CFAP45: variants seen among roughly 807,000 people sequenced by gnomAD.
CFAP45 encodes the protein cilia- and flagella-associated protein 45.
A neutral mutation model predicts 75.6 loss-of-function variants in CFAP45; 43 were observed. The observed-to-expected ratio is 0.57, with a 90% CI of 0.45 to 0.73. The LOEUF is 0.73. Ranked by LOEUF, CFAP45 falls within the 30% of genes least tolerant of loss-of-function variation. The pLI, the probability that CFAP45 is intolerant of heterozygous loss-of-function variation, is 0.00. For missense variants in CFAP45, 689 were observed against 701.5 expected, an observed-to-expected ratio of 0.98 and a Z score of 0.20; for synonymous variants, 223 against 244.6, an observed-to-expected ratio of 0.91 and a Z score of 0.82.
At chr1:159,881,860 C>T (rs759206827) in intron 7 of CFAP45, among the ~76,000 whole-genome samples, 1 of 152,236 alleles carries the variant, frequency 6.6e-6, no homozygotes, top group Non-Finnish European at 1.5e-5. Context: ...CAATCAATCT[C>T]AGACTCCTTA....
Position 159,887,886 on chromosome 1 carries a change from G to A in CFAP45, c.543C>T (p.Asn181=). The A allele has an allele frequency of 3.1e-6, 5 of 1,614,214 alleles. No individual in the cohort carries two copies. In the South Asian group the frequency reaches 3.3e-5, roughly 11 times the overall value. ...ERAQNLLQRA[N]KLRMEQEEEL... ...CCTCCTCCTGCTCCATCCGCAGCTT[G>A]TTGGCTCTCTGCAGGAGGTTCTGGG... Residue 181 remains asparagine, a synonymous_variant, in exon 5 of 12, where the codon AAC becomes AAT. Transcript: ENST00000368099.
chr1:159,874,709 T>G (rs1649359644), intron 10 of CFAP45, among the ~76,000 whole-genome samples: 1 of 152,208 alleles, frequency 6.6e-6, no homozygotes, highest in African/African-American at 2.4e-5. Context: ...GTTAGGGCAG[T>G]GATCACAGAG....
intron 1 of CFAP45, among the ~76,000 whole-genome samples, chr1:159,894,728 A>G (rs2101852784): frequency 6.6e-6 from 1 of 152,350 alleles, no homozygotes; most frequent in African/African-American, 2.4e-5. Flanking sequence ...AGCTGAAAAC[A>G]TCAAATATTC....
intron 8 of CFAP45, 141 bp from the exon 9 acceptor site, chr1:159,877,603 G>C: frequency 1.5e-6 from 1 of 686,340 alleles, no homozygotes; most frequent in South Asian, 1.6e-5. Context: ...AAGGCCAGGT[G>C]CCGTGGCTCA....
intron 6 of CFAP45, among the ~76,000 whole-genome samples, chr1:159,885,120 AT>A (rs1458639560): frequency 6.6e-6 from 1 of 152,206 alleles, no homozygotes; most frequent in African/African-American, 2.4e-5. Context: ...GGGAAAGAGT[AT>A]GAGAGCCACA....
chr1:159,896,111 G>A (rs1286467408), intron 1 of CFAP45, among the ~76,000 whole-genome samples: 1 of 152,204 alleles, frequency 6.6e-6, no homozygotes, highest in African/African-American at 2.4e-5. Flanking sequence ...GAATACAGAT[G>A]GAAAGTATTA....
chr1:159,888,033 C>A, intron 4 of CFAP45, 22 bp from the exon 5 acceptor site: 1 of 1,610,174 alleles, frequency 6.2e-7, no homozygotes. Context: ...CAGTCTGGCT[C>A]AGTGGGAGAT....
At chr1:159,877,550 T>C (rs1649433248) in intron 8 of CFAP45, 88 bp from the exon 9 acceptor site, 2 of 891,596 alleles carry the variant, frequency 2.2e-6, no homozygotes, top group East Asian at 2.4e-5. Flanking sequence ...CTTTCCAATA[T>C]CTCCCCTACC....
intron 2 of CFAP45, among the ~76,000 whole-genome samples, chr1:159,892,530 T>C (rs1265671031): frequency 6.6e-6 from 1 of 152,144 alleles, no homozygotes; most frequent in Non-Finnish European, 1.5e-5. Context: ...CTTTCTCTTT[T>C]CCCCTTCTCT....
rs879801201 is a variant in CFAP45, at chr1:159,887,829, C to T, written c.588+12G>A. The T allele has an allele frequency of 7.5e-6, 12 of 1,604,636 alleles. No individual in the cohort carries two copies. The highest frequency in any genetic ancestry group is 1.9e-4 in the Middle Eastern group (1 of 5,294). On this transcript the variant is annotated intron_variant, in intron 5 of 11. Coordinates refer to ENST00000368099, the MANE Select transcript of CFAP45 (RefSeq NM_012337.3). ...TGAATGCTCAGAGGGAAGGGAGAGA[C>T]GAAGAGCCCACCTTGCTCATGTCCT...
chr1:159,890,129 C>T (rs998756144), intron 3 of CFAP45, among the ~76,000 whole-genome samples: 2 of 152,212 alleles, frequency 1.3e-5, no homozygotes, highest in Admixed American at 1.3e-4. Context: ...GGAAGTGACT[C>T]ATCTGGATCA....
chr1:159,888,948 G>A (rs1393661697), intron 3 of CFAP45, among the ~76,000 whole-genome samples: 1 of 152,102 alleles, frequency 6.6e-6, no homozygotes, highest in Non-Finnish European at 1.5e-5. Context: ...CCTAGTCTCT[G>A]GCATAGCGCT....
At chr1:159,879,560 T>C (rs1471706717) in intron 8 of CFAP45, among the ~76,000 whole-genome samples, 1 of 152,230 alleles carries the variant, frequency 6.6e-6, no homozygotes, top group Admixed American at 6.5e-5. Context: ...ATGTGATTGT[T>C]ATTATGTAGG....
chr1:159,884,496 C>A lies in CFAP45; in HGVS notation c.837G>T (p.Arg279=). 6.2e-7 allele frequency: 1 copy of A among 1,613,860 alleles called. No homozygotes were observed. Among genetic ancestry groups the A allele is most frequent in the Non-Finnish European group, 8.5e-7 (1 of 1,179,854 alleles). Residue 279 remains arginine (R), a synonymous_variant, in exon 7 of 12, where the codon CGG becomes CGT. Transcript: ENST00000368099. ...CCAGCATCTGCTCCTTCTCCTGCTC[C>A]CGCTGCTCAGCAAGCAGCGATCGCT... ...QEERSLLAEQ[R]EQEKEQMLEY...
At chr1:159,886,450 C>A (rs1444225703) in intron 6 of CFAP45, 61 bp downstream of exon 6, 40 of 1,417,650 alleles carry the variant, frequency 2.8e-5, no homozygotes, top group Non-Finnish European at 3.7e-5. Flanking sequence ...TGCTAGGCTA[C>A]ATGGACCTAA....
chr1:159,884,640 A>G, intron 6 of CFAP45, 75 bp from the exon 7 acceptor site: 1 of 1,450,970 alleles, frequency 6.9e-7, no homozygotes, highest in Non-Finnish European at 9.4e-7. Flanking sequence ...CCACCTAAAC[A>G]ACCCCCAAGA....
chr1:159,878,554 C>G (rs1175500508), intron 8 of CFAP45, among the ~76,000 whole-genome samples: 1 of 151,352 alleles, frequency 6.6e-6, no homozygotes, highest in Non-Finnish European at 1.5e-5. Flanking sequence ...AGAGATCAAA[C>G]CAATCCAGGC....
Position 159,873,006 on chromosome 1 carries a change from C to T in CFAP45, c.1515G>A (p.Glu505=), listed in dbSNP as rs1240590167. ...ATFEEGRRLK[E]EAQKRRERID... ...TGCGCTCACGGCGTTTCTGGGCCTCCTCTTTGAGGCGCCGGCCCTCCTCAA... is the reference window on the plus strand; with the variant it reads ...TGCGCTCACGGCGTTTCTGGGCCTCTTCTTTGAGGCGCCGGCCCTCCTCAA... Residue 505 remains glutamate, a synonymous_variant, in exon 11 of 12, where the codon GAG becomes GAA. Transcript: ENST00000368099. 6.2e-7 allele frequency: 1 copy of T among 1,614,262 alleles called. No homozygotes were observed. Among genetic ancestry groups the T allele is most frequent in the Non-Finnish European group, 8.5e-7 (1 of 1,180,054 alleles).
intron 6 of CFAP45, among the ~76,000 whole-genome samples, chr1:159,885,444 T>C (rs891835763): frequency 2.0e-5 from 3 of 152,118 alleles, no homozygotes; most frequent in African/African-American, 4.8e-5. Flanking sequence ...CAGGATACAG[T>C]TGGGGAGATA....
Sources: gnomAD v4.1 joint callset for allele counts (sites outside exome capture counted in the v4.1 genomes callset) on GRCh38, gnomAD v4.1.1 for gene constraint, MANE v1.5 for transcripts, NCBI Gene and HGNC (gene_info 2026-07-23, HGNC 2026-07-21) for gene names.